The following RAP1GDS1 variants were observed in gnomAD, a reference collection of about 807,000 sequenced individuals.
RAP1GDS1 encodes Rap1 GTPase-GDP dissociation stimulator 1.
RAP1GDS1 carries 35 observed loss-of-function variants against 71.1 expected under a neutral mutation model. The observed-to-expected ratio is 0.49, with a 90% CI of 0.38 to 0.65. The LOEUF is 0.65. Among genes scored for constraint, RAP1GDS1 ranks in the 30% least tolerant of loss-of-function variants. The pLI, the probability that RAP1GDS1 is intolerant of heterozygous loss-of-function variation, is 0.00. For missense variants in RAP1GDS1, 663 were observed against 706.1 expected (o/e 0.94, Z 0.69); for synonymous variants, 229 against 243.1 (o/e 0.94, Z 0.54).
At chr4:98,420,840 A>T (rs747150893) in intron 11 of RAP1GDS1, among the ~76,000 whole-genome samples, 45 of 152,252 alleles carry the variant, frequency 3.0e-4, no homozygotes, top group African/African-American at 1.0e-3. Context: ...AAAATTTTTT[A>T]AATTTGTCTT....
chr4:98,391,147 A>G (rs1489631221), intron 5 of RAP1GDS1, among the ~76,000 whole-genome samples: 2 of 152,046 alleles, frequency 1.3e-5, no homozygotes, highest in Admixed American at 6.6e-5. Flanking sequence ...TTTATCTTCA[A>G]CTTTGCTACA....
intron 2 of RAP1GDS1, among the ~76,000 whole-genome samples, chr4:98,335,612 C>T (rs1345617113): frequency 6.6e-6 from 1 of 151,630 alleles, no homozygotes; most frequent in African/African-American, 2.4e-5. Context: ...TTTAAAAAAA[C>T]TTATCTTTGA....
At chr4:98,304,876 G>A (rs1055344950) in intron 2 of RAP1GDS1, among the ~76,000 whole-genome samples, 1 of 152,116 alleles carries the variant, frequency 6.6e-6, no homozygotes, top group African/African-American at 2.4e-5. Flanking sequence ...TTTGTATAGG[G>A]TGTAAGGAAG....
At chr4:98,346,712 T>C (rs1330359366) in intron 3 of RAP1GDS1, among the ~76,000 whole-genome samples, 1 of 152,034 alleles carries the variant, frequency 6.6e-6, no homozygotes, top group Non-Finnish European at 1.5e-5. Flanking sequence ...ACCCGGCTAA[T>C]TTTTTGTATC....
intron 4 of RAP1GDS1, among the ~76,000 whole-genome samples, chr4:98,355,925 A>T (rs965721427): frequency 1.3e-5 from 2 of 152,152 alleles, no homozygotes; most frequent in Non-Finnish European, 2.9e-5. Context: ...AGAATCACTC[A>T]CTGGCTGGGA....
Position 98,320,622 on chromosome 4 carries a change from C to T in RAP1GDS1, c.113-22517C>T, listed in dbSNP as rs537125244. On this transcript the variant is annotated intron_variant, in intron 2 of 14. Coordinates refer to ENST00000408927, the MANE Select transcript of RAP1GDS1 (RefSeq NM_001100427.2). Reference sequence around the variant, plus strand: ...AAGTGGGTCCCTGACCCCTGACCCCCGAGCAGCCTAACTGGGAGGCACCCC... The same window carrying T: ...AAGTGGGTCCCTGACCCCTGACCCCTGAGCAGCCTAACTGGGAGGCACCCC... Among the ~76,000 whole-genome samples the T allele has an allele frequency of 3.9e-3, 583 of 151,428 alleles. 4 individuals carry two copies. The highest frequency in any genetic ancestry group is 0.013 in the African/African-American group (550 of 41,264).
intron 14 of RAP1GDS1, among the ~76,000 whole-genome samples, chr4:98,437,649 C>T (rs932164588): frequency 4.0e-5 from 6 of 151,882 alleles, no homozygotes; most frequent in East Asian, 1.9e-4. Context: ...AAAAATTAGC[C>T]GGGAGTGGTG....
At chr4:98,368,994 G>C (rs952129430) in intron 4 of RAP1GDS1, among the ~76,000 whole-genome samples, 10 of 152,198 alleles carry the variant, frequency 6.6e-5, no homozygotes, top group African/African-American at 1.9e-4. Flanking sequence ...TGGACTCACA[G>C]TTTCACATGA....
At position 98,417,517 on chromosome 4, in the gene RAP1GDS1, C is replaced by T. The variant is rs767597869; in HGVS notation, c.1039+19C>T. 7.5e-6 allele frequency: 12 copies of T among 1,609,008 alleles called. No individual in the cohort carries two copies. The highest frequency in any genetic ancestry group is 1.7e-4 in the Middle Eastern group (1 of 6,060). On this transcript the variant is annotated intron_variant, in intron 9 of 14. Transcript: ENST00000408927. ...AGAAATGGTAAGCATATTAGTTCCT[C>T]CTTTGTTAGTCAAATACTCTATATT...
intron 2 of RAP1GDS1, among the ~76,000 whole-genome samples, chr4:98,302,506 A>G (rs1578362581): frequency 1.3e-5 from 2 of 152,190 alleles, no homozygotes; most frequent in African/African-American, 2.4e-5. Flanking sequence ...TCCAACATAC[A>G]TGCAATTGGA....
In RAP1GDS1 at chr4:98,261,485, T is replaced by G. The variant is rs2110211985; in HGVS notation, c.-81T>G. On this transcript the variant is annotated 5_prime_UTR_variant, in exon 1 of 15. Transcript: ENST00000408927. ...TCCCTGGCTGCGGGAGAGACGGAGG[T>G]AGAGGGAGGACACAGAGCCGCGCCG... 1 of 1,418,944 alleles carries G rather than the reference T, an allele frequency of 7.0e-7. No individual in the cohort carries two copies. The highest frequency in any genetic ancestry group is 9.5e-7 in the Non-Finnish European group (1 of 1,047,392). 87.9% of individuals were successfully genotyped at this position (1,418,944 alleles called of 1,614,324 possible). A position where few individuals can be genotyped will look rare whatever the true frequency, so the allele number is the denominator to read the frequency against.
rs1727264880 is a variant in RAP1GDS1, at chr4:98,293,507, C to G, written c.104C>G (p.Ala35Gly). 6.2e-7 allele frequency: 1 copy of G among 1,601,704 alleles called. No homozygotes were observed. Among genetic ancestry groups the G allele is most frequent in the East Asian group, 2.2e-5 (1 of 44,654 alleles). Residue 35 changes from alanine (A) to glycine (G), a missense_variant, in exon 2 of 15, where the codon GCT becomes GGT. Physicochemically the swap from Ala to Gly is moderately conservative, Grantham distance 60. Coordinates refer to ENST00000408927, the MANE Select transcript of RAP1GDS1 (RefSeq NM_001100427.2). ...TTGGATTGTCTGCTTCAAGCCCTGG[C>G]TCAAAATAGTAAGTTTCATTATGTT... is the stretch of plus-strand genomic sequence containing the variant. ...GCLDCLLQALAQNNTETSEKI... is the reference protein window; with the variant it reads ...GCLDCLLQALGQNNTETSEKI...
At chr4:98,266,621 T>C (rs1722746738) in intron 1 of RAP1GDS1, among the ~76,000 whole-genome samples, 1 of 152,166 alleles carries the variant, frequency 6.6e-6, no homozygotes, top group African/African-American at 2.4e-5. Flanking sequence ...TACTAAAATT[T>C]ATGATTTCAA....
At chr4:98,365,502 A>G (rs1739357558) in intron 4 of RAP1GDS1, among the ~76,000 whole-genome samples, 1 of 152,036 alleles carries the variant, frequency 6.6e-6, no homozygotes, top group African/African-American at 2.4e-5. Context: ...ATGCACCTAT[A>G]GACCCTGCTA....
Position 98,352,465 on chromosome 4 carries a change from C to G in RAP1GDS1, c.236-11C>G. On this transcript the variant is annotated splice_polypyrimidine_tract_variant and intron_variant, in intron 3 of 14. Coordinates refer to ENST00000408927, the MANE Select transcript of RAP1GDS1 (RefSeq NM_001100427.2). Reference sequence around the variant, plus strand: ...GTTAGATTTTTAATTAAACATGTCTCTTATTTTCAGAGTTTATGCGAATTC... The same window carrying G: ...GTTAGATTTTTAATTAAACATGTCTGTTATTTTCAGAGTTTATGCGAATTC... 2 of 1,611,560 alleles carry G rather than the reference C, an allele frequency of 1.2e-6. No homozygotes were observed. The highest frequency in any genetic ancestry group is 4.5e-5 in the East Asian group (2 of 44,816).
intron 7 of RAP1GDS1, among the ~76,000 whole-genome samples, chr4:98,413,230 T>A (rs1002863346): frequency 5.3e-5 from 8 of 151,730 alleles, no homozygotes; most frequent in South Asian, 2.1e-4. Context: ...TATTTTTTTT[T>A]TTATTATACT....
chr4:98,413,118 G>A (rs1035640040), intron 7 of RAP1GDS1, among the ~76,000 whole-genome samples: 11 of 152,016 alleles, frequency 7.2e-5, no homozygotes, highest in African/African-American at 1.9e-4. Context: ...AGGAGACCAG[G>A]GCGTATTTCA....
chr4:98,430,505 CT>C (rs572231312), intron 12 of RAP1GDS1, among the ~76,000 whole-genome samples: 1 of 152,180 alleles, frequency 6.6e-6, no homozygotes, highest in Non-Finnish European at 1.5e-5. Flanking sequence ...CCCAAGAAAT[CT>C]TCTACAAAGA....
intron 14 of RAP1GDS1, chr4:98,441,362 T>C: frequency 1.0e-6 from 1 of 984,886 alleles, no homozygotes; most frequent in Middle Eastern, 5.2e-4. Flanking sequence ...GGACAAAAAA[T>C]CTAAAAGGGA....
Sources: allele counts gnomAD v4.1 joint callset (sites outside exome capture counted in the v4.1 genomes callset), GRCh38; gene constraint gnomAD v4.1.1; transcripts MANE v1.5; gene names NCBI Gene and HGNC (gene_info 2026-07-23, HGNC 2026-07-21).